The following ATXN10 variants were observed in gnomAD, a reference collection of about 807,000 sequenced individuals.
ATXN10 encodes the protein ataxin 10, also known as ataxin-10.
Under a neutral mutation model 52.9 loss-of-function variants are expected in ATXN10, and 28 were observed. The ratio of observed to expected loss-of-function variants is 0.53; its 90% CI spans 0.39 to 0.73. The LOEUF is 0.73. Ranked by LOEUF, ATXN10 falls within the 30% of genes least tolerant of loss-of-function variation. The probability of loss-of-function intolerance (pLI) is 0.00; values close to 1 mark genes in which losing one functional copy is unlikely to be tolerated. For missense variants in ATXN10, 565 were observed against 577.0 expected, an observed-to-expected ratio of 0.98 and a Z score of 0.21; for synonymous variants, 226 against 221.5, an observed-to-expected ratio of 1.02 and a Z score of -0.18.
At chr22:45,792,782 A>G (rs946749674) in intron 9 of ATXN10, 16 of 504,490 alleles carry the variant, frequency 3.2e-5, no homozygotes, top group Middle Eastern at 3.4e-4. Flanking sequence ...TCAACCTCCA[A>G]TCCAATTTTG....
In ATXN10 at chr22:45,795,423, CTTT is replaced by C. The variant is rs1927697597; in HGVS notation, c.1174-11533_1174-11531del. Among the ~76,000 whole-genome samples, 1 of 126,282 alleles carries C rather than the reference CTTT, an allele frequency of 7.9e-6. No individual in the cohort carries two copies. Among genetic ancestry groups the C allele is most frequent in the Admixed American group, 7.7e-5 (1 of 13,050 alleles). 82.8% of individuals were successfully genotyped at this position (126,282 alleles called of 152,430 possible). A position where few individuals can be genotyped will look rare whatever the true frequency, so the allele number is the denominator to read the frequency against. ...CTATTCTATTCTATTCTATTCTATT[CTTT>C]TTGAGATGAAGTCTCTCTATGTTGC... On this transcript the variant is annotated intron_variant, in intron 9 of 11. Coordinates refer to ENST00000252934, the MANE Select transcript of ATXN10 (RefSeq NM_013236.4). This position sits in a 1 kb window ranked among gnomAD's most constrained non-coding sequence, Gnocchi z 4.6.
chr22:45,703,024 G>A (rs1468535355), intron 5 of ATXN10, among the ~76,000 whole-genome samples, 177 bp downstream of exon 5: 1 of 152,204 alleles, frequency 6.6e-6, no homozygotes, highest in African/African-American at 2.4e-5. Flanking sequence ...TGTGAATGAG[G>A]TGAATAAAGT....
chr22:45,741,242 A>C (rs532345428), intron 9 of ATXN10, among the ~76,000 whole-genome samples: 1 of 152,354 alleles, frequency 6.6e-6, no homozygotes, highest in East Asian at 1.9e-4. Flanking sequence ...GTGTGTCTGC[A>C]GTATGACTTT....
rs541514817 is a variant in ATXN10, at chr22:45,795,286, C to G, written c.1174-11673C>G. On this transcript the variant is annotated intron_variant, in intron 9 of 11. Coordinates refer to ENST00000252934, the MANE Select transcript of ATXN10 (RefSeq NM_013236.4). The surrounding 1 kb of genome is among the most constrained non-coding windows in gnomAD (Gnocchi z 4.6). Reference sequence around the variant, plus strand: ...AGAAAACAGATGGCAGAATGATAAACTCAATCATGTTGATAAATATATTAA... The same window carrying G: ...AGAAAACAGATGGCAGAATGATAAAGTCAATCATGTTGATAAATATATTAA... Among the ~76,000 whole-genome samples the G allele has an allele frequency of 6.6e-6, 1 of 152,148 alleles. No individual in the cohort carries two copies. The highest frequency in any genetic ancestry group is 1.9e-4 in the East Asian group (1 of 5,184).
intron 9 of ATXN10, among the ~76,000 whole-genome samples, chr22:45,749,884 G>A (rs1925881326): frequency 6.6e-6 from 1 of 151,878 alleles, no homozygotes. Flanking sequence ...GTTTCTTTAA[G>A]GTTCATGTTG....
At chr22:45,740,727 T>TAG in intron 9 of ATXN10, 189 bp downstream of exon 9, 3 of 379,832 alleles carry the variant, frequency 7.9e-6, no homozygotes, top group Admixed American at 4.2e-5. Context: ...CACATATATA[T>TAG]ACACACACAC....
rs148803781 is a variant in ATXN10 at position 45,795,605 on chromosome 22, C to T, written c.1174-11354C>T. ...TGTATTTTTAGTAGAGACGGTGTTT[C>T]GGGAAGTCAGGGACCCTGAACGGAG... On this transcript the variant is annotated intron_variant, in intron 9 of 11. Transcript: ENST00000252934. This position sits in a 1 kb window ranked among gnomAD's most constrained non-coding sequence, Gnocchi z 4.6. Among the ~76,000 whole-genome samples, 24 of 152,162 alleles carry T rather than the reference C, an allele frequency of 1.6e-4. No homozygotes were observed. The highest frequency in any genetic ancestry group is 2.4e-4 in the African/African-American group (10 of 41,532).
At chr22:45,827,818 A>G (rs560328616) in intron 10 of ATXN10, among the ~76,000 whole-genome samples, 1 of 152,360 alleles carries the variant, frequency 6.6e-6, no homozygotes, top group South Asian at 2.1e-4. Flanking sequence ...CAACAAGAGC[A>G]TATACATTCT....
At chr22:45,695,511 A>ATGGAGTCTTACGCTGTCGCCCAGGC (rs1923571518) in intron 3 of ATXN10, among the ~76,000 whole-genome samples, 1 of 134,564 alleles carries the variant, frequency 7.4e-6, no homozygotes, top group African/African-American at 2.7e-5. Context: ...TTTTTTTGAG[A>ATGGAGTCTTACGCTGTCGCCCAGGC]TGGAGTCTTA....
chr22:45,753,534 T>G (rs1290428698), intron 9 of ATXN10, among the ~76,000 whole-genome samples: 1 of 151,588 alleles, frequency 6.6e-6, no homozygotes, highest in African/African-American at 2.4e-5. Context: ...GCCTTCCTAG[T>G]AGCTGGGATT....
At chr22:45,674,006 C>G (rs1922581311) in intron 1 of ATXN10, 1 of 152,130 alleles carries the variant, frequency 6.6e-6, no homozygotes, top group Non-Finnish European at 1.5e-5. Flanking sequence ...GAAGAAGTTA[C>G]AGAGAACCAT....
chr22:45,776,226 G>A (rs540030113), intron 9 of ATXN10, among the ~76,000 whole-genome samples: 3 of 152,256 alleles, frequency 2.0e-5, no homozygotes, highest in Non-Finnish European at 4.4e-5. Context: ...AACTTAATGT[G>A]GACCATGGTT....
rs1238927016 is a variant in ATXN10, at chr22:45,774,607, A to C, written c.1174-32352A>C. On this transcript the variant is annotated intron_variant, in intron 9 of 11. Coordinates refer to ENST00000252934, the MANE Select transcript of ATXN10 (RefSeq NM_013236.4). This position sits in a 1 kb window ranked among gnomAD's most constrained non-coding sequence, Gnocchi z 6.2. Reference sequence around the variant, plus strand: ...AATCTTCCATGTCAGGTTCCTGAAAAAGAGAAAGGATGTTTAATGTTTTTT... The same window carrying C: ...AATCTTCCATGTCAGGTTCCTGAAACAGAGAAAGGATGTTTAATGTTTTTT... Among the ~76,000 whole-genome samples the C allele has an allele frequency of 2.0e-5, 3 of 152,192 alleles. No individual in the cohort carries two copies. Among genetic ancestry groups the C allele is most frequent in the Non-Finnish European group, 4.4e-5 (3 of 68,036 alleles).
chr22:45,710,916 T>C (rs1036035628), intron 5 of ATXN10, among the ~76,000 whole-genome samples: 5 of 152,168 alleles, frequency 3.3e-5, no homozygotes, highest in Non-Finnish European at 7.4e-5. Flanking sequence ...TTCAGGCTTA[T>C]CTGAAGCAGA....
At chr22:45,713,485 TAC>T (rs1242851229) in intron 5 of ATXN10, among the ~76,000 whole-genome samples, 2 of 152,154 alleles carry the variant, frequency 1.3e-5, no homozygotes, top group Non-Finnish European at 2.9e-5. Context: ...TAGGCGAACT[TAC>T]AGAGTTCTCC....
intron 9 of ATXN10, chr22:45,792,775 A>T: frequency 2.0e-6 from 1 of 490,878 alleles, no homozygotes; most frequent in African/African-American, 2.0e-5. Flanking sequence ...GAAATCGTCA[A>T]CCTCCAATCC....
chr22:45,700,424 G>A, intron 4 of ATXN10, 46 bp downstream of exon 4: 1 of 1,473,262 alleles, frequency 6.8e-7, no homozygotes, highest in Non-Finnish European at 9.5e-7. Flanking sequence ...GAAGATTGTG[G>A]CTATATTTTT....
chr22:45,809,632 G>A (rs911085610), intron 10 of ATXN10, among the ~76,000 whole-genome samples: 3 of 152,080 alleles, frequency 2.0e-5, no homozygotes, highest in Non-Finnish European at 4.4e-5. Flanking sequence ...TGCACATCCC[G>A]TTCCCTGTTG....
intron 9 of ATXN10, among the ~76,000 whole-genome samples, chr22:45,800,132 A>G (rs1322176906): frequency 1.3e-5 from 2 of 152,218 alleles, no homozygotes; most frequent in Non-Finnish European, 2.9e-5. Context: ...ATTGTATCTC[A>G]TCTATATTAA....
Sources: allele counts gnomAD v4.1 joint callset (sites outside exome capture counted in the v4.1 genomes callset), GRCh38; gene constraint gnomAD v4.1.1; non-coding constraint Gnocchi (gnomAD v3.1); transcripts MANE v1.5; gene names NCBI Gene and HGNC (gene_info 2026-07-23, HGNC 2026-07-21).